PCSK5: variants seen among roughly 807,000 people sequenced by gnomAD.
The protein encoded by PCSK5 is prohormone convertase 5.
PCSK5 carries 129 observed loss-of-function variants against 233.2 expected under a neutral mutation model. The ratio of observed to expected loss-of-function variants is 0.55; its 90% CI spans 0.48 to 0.64. The LOEUF (loss-of-function observed/expected upper bound fraction) is 0.64. PCSK5 is among the 30% of genes least tolerant of loss of function. PCSK5 has a pLI of 0.00. For missense variants in PCSK5, 2,076 were observed against 2,430.1 expected, an observed-to-expected ratio of 0.85 and a Z score of 3.06; for synonymous variants, 825 against 879.2, an observed-to-expected ratio of 0.94 and a Z score of 1.09.
rs757131710 is a variant in PCSK5 at position 76,296,841 on chromosome 9, C to T, written c.3499C>T (p.Gln1167Ter). 2.5e-6 allele frequency: 4 copies of T among 1,611,282 alleles called. No individual in the cohort carries two copies. The highest frequency in any genetic ancestry group is 3.4e-6 in the Non-Finnish European group (4 of 1,179,454). The change falls in exon 27 of 38, where the codon CAG becomes TAG. Residue 1167 changes from glutamine (Q) to a stop codon, truncating the protein, a stop_gained. Coordinates refer to ENST00000674117, the MANE Select transcript of PCSK5 (RefSeq NM_001372043.1). LOFTEE classifies it high-confidence loss of function. ...GATGTGCGTGCATGCCACCAAGACC[C>T]AGGAGGAGGGCAAATTCTGGAATGG... Reference protein sequence around the residue: ...RGMCVHATKTQEEGKFWNEAV... With the variant: ...RGMCVHATKT
In PCSK5 at chr9:76,037,357, G is replaced by T. The variant is rs556860537; in HGVS notation, c.632+10320G>T. The stretch of plus-strand genomic sequence containing the variant: ...TCTACTTACATGTATTGACAAGTTT[G>T]TTTGTTTGTTTGTTTAATTAAACTT... On this transcript the variant is annotated intron_variant, in intron 5 of 37. Coordinates refer to ENST00000674117, the MANE Select transcript of PCSK5 (RefSeq NM_001372043.1). 6.6e-5 allele frequency among the ~76,000 whole-genome samples: 10 copies of T among 152,108 alleles called. No homozygotes were observed. In the South Asian group the frequency reaches 1.5e-3, roughly 22 times the overall value.
rs1484460682 is a variant in PCSK5, at chr9:75,928,855, TG to T, written c.193-3523del. Among the ~76,000 whole-genome samples, 8 of 151,868 alleles carry T rather than the reference TG, an allele frequency of 5.3e-5. No homozygotes were observed. The South Asian group carries it at 6.2e-4, about 12-fold the overall frequency. On this transcript the variant is annotated intron_variant, in intron 1 of 37. Transcript: ENST00000674117. ...AATTAGCCTTAATGTGATAATTCTT[TG>T]ATACTCATACTAGAGATTTTGAGCT...
chr9:75,983,156 T>TAAA (rs1826353336), intron 2 of PCSK5, among the ~76,000 whole-genome samples: 1 of 152,230 alleles, frequency 6.6e-6, no homozygotes, highest in Non-Finnish European at 1.5e-5. Flanking sequence ...GTATGTGTTT[T>TAAA]AATTATTATA....
At chr9:76,040,072 C>CAGAT (rs1267872734) in intron 5 of PCSK5, among the ~76,000 whole-genome samples, 1 of 152,178 alleles carries the variant, frequency 6.6e-6, no homozygotes, top group Non-Finnish European at 1.5e-5. Context: ...ACATTCATGT[C>CAGAT]AGATAGGTAG....
At chr9:76,183,282 G>A (rs1432335484) in intron 16 of PCSK5, among the ~76,000 whole-genome samples, 2 of 152,136 alleles carry the variant, frequency 1.3e-5, no homozygotes, top group African/African-American at 2.4e-5. Flanking sequence ...CAGCTACCAG[G>A]AAGTGTTGAT....
At chr9:76,176,396 T>C (rs10781344) in intron 14 of PCSK5, among the ~76,000 whole-genome samples, 17,252 of 152,220 alleles carry the variant, frequency 0.11, 1,486 homozygotes, top group East Asian at 0.34. Flanking sequence ...CCACACTGTT[T>C]TGTTTTCATT....
chr9:75,896,943 T>A (rs550421355), intron 1 of PCSK5, among the ~76,000 whole-genome samples: 42 of 152,126 alleles, frequency 2.8e-4, no homozygotes, highest in Non-Finnish European at 4.9e-4. Context: ...ACTCTCCAAT[T>A]TGAGTTCATC....
At chr9:76,350,753 C>T (rs1329478636) in intron 35 of PCSK5, 75 bp from the exon 36 acceptor site, 2 of 901,068 alleles carry the variant, frequency 2.2e-6, no homozygotes, top group Non-Finnish European at 3.7e-6. Flanking sequence ...ATTCCTTGTT[C>T]CTAAGTGTTC....
rs1431158242 is a variant in PCSK5, at chr9:76,179,641, G to A, written c.1946G>A (p.Gly649Glu). The change falls in exon 15 of 38, where the codon GGA (glycine) becomes GAA (glutamate). Residue 649 changes from glycine (G) to glutamate (E), a missense_variant. Coordinates refer to ENST00000674117, the MANE Select transcript of PCSK5 (RefSeq NM_001372043.1). ...AGTGAGGTTGGCTGTGACGGGCCAG[G>A]ACCAGACCACTGCAATGACTGTTTG... is the stretch of plus-strand genomic sequence containing the variant. ...ECSEVGCDGPGPDHCNDCLHY... is the reference protein window; with the variant it reads ...ECSEVGCDGPEPDHCNDCLHY... 6.2e-7 allele frequency: 1 copy of A among 1,613,920 alleles called. No individual in the cohort carries two copies. Among genetic ancestry groups the A allele is most frequent in the Non-Finnish European group, 8.5e-7 (1 of 1,179,852 alleles).
intron 3 of PCSK5, among the ~76,000 whole-genome samples, chr9:75,994,379 C>G (rs906729763): frequency 7.5e-6 from 1 of 133,726 alleles, no homozygotes; most frequent in Non-Finnish European, 1.6e-5. Flanking sequence ...CTCCCAGTTT[C>G]TTTCTTTTCT....
At chr9:76,174,871 T>C (rs915608165) in intron 13 of PCSK5, 115 bp from the exon 14 acceptor site, 7 of 831,076 alleles carry the variant, frequency 8.4e-6, no homozygotes, top group African/African-American at 3.4e-5. Flanking sequence ...GTGATTGATA[T>C]CCATCTGCCT....
At chr9:76,324,261 C>T (rs1057036011) in intron 32 of PCSK5, among the ~76,000 whole-genome samples, 2 of 151,856 alleles carry the variant, frequency 1.3e-5, no homozygotes, top group Non-Finnish European at 2.9e-5. Flanking sequence ...GATGGAGTCT[C>T]ACTCTGTTGC....
intron 24 of PCSK5, among the ~76,000 whole-genome samples, chr9:76,275,085 A>G (rs1195002280): frequency 6.6e-6 from 1 of 151,908 alleles, no homozygotes; most frequent in East Asian, 1.9e-4. Context: ...TCCTGCCTCT[A>G]ACATTGGAGA....
At chr9:76,289,404 G>C (rs1215415536) in intron 24 of PCSK5, among the ~76,000 whole-genome samples, 1 of 149,614 alleles carries the variant, frequency 6.7e-6, no homozygotes, top group African/African-American at 2.5e-5. Flanking sequence ...ATCCTTCTTT[G>C]GATAACACCT....
intron 34 of PCSK5, among the ~76,000 whole-genome samples, chr9:76,337,512 C>T (rs1046977009): frequency 3.3e-5 from 5 of 151,886 alleles, no homozygotes; most frequent in African/African-American, 2.4e-5. Context: ...CTCACATTAT[C>T]GCCTAGGATG....
intron 13 of PCSK5, among the ~76,000 whole-genome samples, chr9:76,171,661 C>T (rs1175095999): frequency 1.3e-5 from 2 of 152,176 alleles, no homozygotes; most frequent in South Asian, 2.1e-4. Context: ...TAAAACTCTA[C>T]AGTAGCTCAG....
intron 5 of PCSK5, among the ~76,000 whole-genome samples, chr9:76,063,325 T>TC (rs1388291159): frequency 1.8e-4 from 24 of 131,366 alleles, no homozygotes; most frequent in Non-Finnish European, 2.6e-4. Flanking sequence ...TTTTCTTTTT[T>TC]TTTTTTTTTT....
rs566719613 is a variant in PCSK5 at position 76,150,838 on chromosome 9, G to A, written c.1313-6207G>A. On this transcript the variant is annotated intron_variant, in intron 10 of 37. Transcript: ENST00000674117. ...GCGAAGAAGAGGTAGCGGAGGAAGG[G>A]AATAAGACAGAGGAAGAAGTAAGTG... 2.6e-5 allele frequency among the ~76,000 whole-genome samples: 4 copies of A among 152,222 alleles called. No individual in the cohort carries two copies. In the South Asian group the frequency reaches 8.3e-4, roughly 32 times the overall value.
At chr9:75,899,097 A>C (rs1825921025) in intron 1 of PCSK5, among the ~76,000 whole-genome samples, 1 of 152,196 alleles carries the variant, frequency 6.6e-6, no homozygotes, top group African/African-American at 2.4e-5. Flanking sequence ...AGGATGATTC[A>C]ATAGGGCTTG....
Sources: allele counts gnomAD v4.1 joint callset (sites outside exome capture counted in the v4.1 genomes callset), GRCh38; gene constraint gnomAD v4.1.1; transcripts MANE v1.5; gene names NCBI Gene and HGNC (gene_info 2026-07-23, HGNC 2026-07-21).